C1orf87: variants seen among roughly 807,000 people sequenced by gnomAD.
C1orf87 encodes uncharacterized protein C1orf87.
C1orf87 carries 58 observed loss-of-function variants against 60.5 expected under a neutral mutation model. That is an observed-to-expected ratio of 0.96 (90% CI 0.78 to 1.19). C1orf87 has a LOEUF of 1.19. C1orf87 is among the 50% of genes most tolerant of loss of function. C1orf87 has a pLI of 0.00. For synonymous variants in C1orf87, 236 were observed against 227.4 expected, an observed-to-expected ratio of 1.04 and a Z score of -0.34; for missense variants, 673 against 638.6, an observed-to-expected ratio of 1.05 and a Z score of -0.58.
At chr1:60,000,449 G>C (rs538180419) in intron 10 of C1orf87, among the ~76,000 whole-genome samples, 100 of 152,208 alleles carry the variant, frequency 6.6e-4, no homozygotes, top group South Asian at 5.8e-3. Flanking sequence ...ATTTCAACGT[G>C]TGAAGTGCAT....
chr1:60,010,734 T>C (rs1191813772), intron 8 of C1orf87: 1 of 268,070 alleles, frequency 3.7e-6, no homozygotes, highest in African/African-American at 2.2e-5. Context: ...CAAGAAAATC[T>C]GGCTGATGTC....
intron 7 of C1orf87, 36 bp from the exon 8 acceptor site, chr1:60,025,534 T>C: frequency 6.9e-7 from 1 of 1,443,752 alleles, no homozygotes; most frequent in Non-Finnish European, 9.5e-7. Context: ...GATTTGATGT[T>C]TCACTAGGAT....
intron 2 of C1orf87, among the ~76,000 whole-genome samples, chr1:60,064,219 G>A (rs1645516797): frequency 1.1e-5 from 1 of 88,962 alleles, no homozygotes; most frequent in Non-Finnish European, 2.5e-5. Flanking sequence ...GATTGTGTGA[G>A]TTAATACTTA....
Position 60,013,709 on chromosome 1 carries a change from C to T in C1orf87, c.1128-3253G>A, listed in dbSNP as rs994356962. ...TTTTTTTTTTTAATTAGGTGTTTTG[C>T]TTCAAATGAGTATCTATTCACATTC... is the stretch of plus-strand genomic sequence containing the variant. On this transcript the variant is annotated intron_variant, in intron 8 of 11. Coordinates refer to ENST00000371201, the MANE Select transcript of C1orf87 (RefSeq NM_152377.3). Among the ~76,000 whole-genome samples the T allele has an allele frequency of 3.4e-5, 5 of 148,206 alleles. No individual in the cohort carries two copies. The Middle Eastern group carries it at 0.01, about 311-fold the overall frequency.
intron 7 of C1orf87, among the ~76,000 whole-genome samples, chr1:60,031,031 T>TA (rs1310382245): frequency 3.9e-5 from 6 of 152,278 alleles, no homozygotes; most frequent in Admixed American, 3.9e-4. Flanking sequence ...ATTTTTTTTT[T>TA]AATCTTTCTG....
At chr1:60,020,360 A>G (rs1645154665) in intron 8 of C1orf87, among the ~76,000 whole-genome samples, 1 of 152,088 alleles carries the variant, frequency 6.6e-6, no homozygotes, top group Non-Finnish European at 1.5e-5. Context: ...ATCCACTGAC[A>G]GCTTGCAACC....
chr1:60,072,439 G>A (rs1645590246), intron 2 of C1orf87, 98 bp downstream of exon 2: 5 of 913,298 alleles, frequency 5.5e-6, no homozygotes, highest in Non-Finnish European at 8.2e-6. Flanking sequence ...CGTTTTCCAT[G>A]GATGGCATTT....
intron 2 of C1orf87, among the ~76,000 whole-genome samples, chr1:60,064,748 AAATATATAAATATATAATTATATTT>A (rs1399287985): frequency 1.1e-5 from 1 of 92,688 alleles, no homozygotes; most frequent in African/African-American, 4.5e-5. Flanking sequence ...ATAGAATATT[AAATATATAAATATATAATTATATTT>A]AATATATAAA....
At chr1:59,991,964 G>A (rs1489964879) in intron 11 of C1orf87, among the ~76,000 whole-genome samples, 1 of 152,140 alleles carries the variant, frequency 6.6e-6, no homozygotes, top group Non-Finnish European at 1.5e-5. Context: ...GAAGTTCTCT[G>A]TCCCGTGGGG....
At chr1:60,009,638 G>A (rs745708403) in intron 9 of C1orf87, among the ~76,000 whole-genome samples, 9 of 146,778 alleles carry the variant, frequency 6.1e-5, no homozygotes, top group Non-Finnish European at 9.0e-5. Flanking sequence ...ACACACACAC[G>A]CACACACACA....
intron 11 of C1orf87, among the ~76,000 whole-genome samples, chr1:59,991,882 T>C (rs934227443): frequency 1.3e-5 from 2 of 152,198 alleles, no homozygotes; most frequent in Admixed American, 6.5e-5. Flanking sequence ...AAGCCCCTAA[T>C]TGCAAATATC....
intron 8 of C1orf87, among the ~76,000 whole-genome samples, chr1:60,022,742 A>G (rs754676865): frequency 3.9e-4 from 60 of 152,158 alleles, no homozygotes; most frequent in Non-Finnish European, 7.8e-4. Flanking sequence ...AGTTGCCAGC[A>G]TGACTACTTT....
chr1:60,055,102 T>C, intron 3 of C1orf87, 102 bp downstream of exon 3: 6 of 1,048,128 alleles, frequency 5.7e-6, no homozygotes, highest in Non-Finnish European at 8.6e-6. Flanking sequence ...GCAAAATATA[T>C]TAATGAACAT....
Position 60,055,514 on chromosome 1 carries a change from G to T in C1orf87, c.108-76C>A, listed in dbSNP as rs1645448503. The T allele has an allele frequency of 1.2e-5, 16 of 1,292,546 alleles. No individual in the cohort carries two copies. In the Admixed American group the frequency reaches 2.7e-4, roughly 22 times the overall value. The allele number at this position is 1,292,546 out of a possible 1,614,324, so 80.1% of individuals were successfully genotyped here. On this transcript the variant is annotated intron_variant, in intron 2 of 11. Coordinates refer to ENST00000371201, the MANE Select transcript of C1orf87 (RefSeq NM_152377.3). ...CACTAGGCTGGCATAAGAACAGAAGGTGTGTTTGGTGTTGTGAACAGTAGA... is the reference window on the plus strand; with the variant it reads ...CACTAGGCTGGCATAAGAACAGAAGTTGTGTTTGGTGTTGTGAACAGTAGA...
chr1:60,043,714 G>T (rs546729896), intron 3 of C1orf87, among the ~76,000 whole-genome samples: 1 of 151,920 alleles, frequency 6.6e-6, no homozygotes, highest in Non-Finnish European at 1.5e-5. Context: ...CAGACATATT[G>T]TTCACAGGAC....
rs569165382 is a variant in C1orf87 at position 60,051,652 on chromosome 1, G to A, written c.342+3552C>T. 1.2e-4 allele frequency among the ~76,000 whole-genome samples: 18 copies of A among 152,208 alleles called. 1 individual carries two copies. The highest frequency in any genetic ancestry group is 1.0e-3 in the South Asian group (5 of 4,816). ...ACTGAGTTGTGGGGTGATTTGTTACGCAGCAGTATTTATCACAATAGCTGA... is the reference window on the plus strand; with the variant it reads ...ACTGAGTTGTGGGGTGATTTGTTACACAGCAGTATTTATCACAATAGCTGA... On this transcript the variant is annotated intron_variant, in intron 3 of 11. Transcript: ENST00000371201.
intron 2 of C1orf87, among the ~76,000 whole-genome samples, chr1:60,062,202 G>A (rs1229515331): frequency 6.6e-6 from 1 of 152,068 alleles, no homozygotes; most frequent in Non-Finnish European, 1.5e-5. Context: ...CATGATTCCT[G>A]CACCATAACT....
intron 5 of C1orf87, among the ~76,000 whole-genome samples, chr1:60,039,475 C>A (rs1645302420): frequency 6.6e-6 from 1 of 152,178 alleles, no homozygotes; most frequent in Non-Finnish European, 1.5e-5. Context: ...ATTGGACATC[C>A]TCTGGGCCTC....
chr1:60,053,208 C>T (rs1349681390), intron 3 of C1orf87, among the ~76,000 whole-genome samples: 1 of 152,158 alleles, frequency 6.6e-6, no homozygotes, highest in African/African-American at 2.4e-5. Flanking sequence ...CTAGAAATGG[C>T]TTAAGTGCCC....
Sources: allele counts gnomAD v4.1 joint callset (sites outside exome capture counted in the v4.1 genomes callset), GRCh38; gene constraint gnomAD v4.1.1; transcripts MANE v1.5; gene names NCBI Gene and HGNC (gene_info 2026-07-23, HGNC 2026-07-21).